RET: variants seen among roughly 807,000 people sequenced by gnomAD.
RET encodes the protein proto-oncogene tyrosine-protein kinase receptor Ret.
RET carries 19 observed loss-of-function variants against 118.3 expected under a neutral mutation model. That is an observed-to-expected ratio of 0.16 (90% CI 0.11 to 0.24). The LOEUF (loss-of-function observed/expected upper bound fraction) is 0.24, where lower values mean the gene tolerates loss of function less well. Ranked by LOEUF, RET falls within the 10% of genes least tolerant of loss-of-function variation. RET has a pLI of 1.00. For synonymous variants in RET, 597 were observed against 644.1 expected, an observed-to-expected ratio of 0.93 and a Z score of 1.11; for missense variants, 1,219 against 1,502.1, an observed-to-expected ratio of 0.81 and a Z score of 3.12.
chr10:43,119,592 G>C lies in RET; in HGVS notation c.2454G>C (p.Glu818Asp). Reference sequence around the variant, plus strand: ...GCTCCCTGCGGGGCTTCCTCCGCGAGAGCCGCAAAGTGGGGCCTGGCTACC... The same window carrying C: ...GCTCCCTGCGGGGCTTCCTCCGCGACAGCCGCAAAGTGGGGCCTGGCTACC... ...KYGSLRGFLR[E>D]SRKVGPGYLG... The change falls in exon 14 of 20, where the codon GAG (glutamate) becomes GAC (aspartate). Residue 818 changes from glutamate (E) to aspartate (D), a missense_variant. Coordinates refer to ENST00000355710, the MANE Select transcript of RET (RefSeq NM_020975.6). 1 of 1,612,206 alleles carries C rather than the reference G, an allele frequency of 6.2e-7. No homozygotes were observed. The highest frequency in any genetic ancestry group is 1.1e-5 in the South Asian group (1 of 91,066).
Position 43,106,297 on chromosome 10 carries a change from G to C in RET, c.868-79G>C. On this transcript the variant is annotated intron_variant, in intron 4 of 19. Coordinates refer to ENST00000355710, the MANE Select transcript of RET (RefSeq NM_020975.6). This position sits in a 1 kb window ranked among gnomAD's most constrained non-coding sequence, Gnocchi z 5.1. ...ACCTATGGGCTGTGTGGGACGTGCAGCATTCTAAGGTCTCTGGTTTTGGGG... is the reference window on the plus strand; with the variant it reads ...ACCTATGGGCTGTGTGGGACGTGCACCATTCTAAGGTCTCTGGTTTTGGGG... 1 of 1,369,564 alleles carries C rather than the reference G, an allele frequency of 7.3e-7. No individual in the cohort carries two copies. The highest frequency in any genetic ancestry group is 1.7e-5 in the Admixed American group (1 of 57,542). 84.8% of individuals were successfully genotyped at this position (1,369,564 alleles called of 1,614,324 possible).
At chr10:43,109,849 G>T (rs1331420135) in intron 6 of RET, among the ~76,000 whole-genome samples, 1 of 152,344 alleles carries the variant, frequency 6.6e-6, no homozygotes, top group Admixed American at 6.5e-5. Flanking sequence ...ACCCATAGGC[G>T]CCAGTGTTGC....
chr10:43,126,342 G>C (rs942752418), intron 18 of RET, among the ~76,000 whole-genome samples: 1 of 152,230 alleles, frequency 6.6e-6, no homozygotes, highest in African/African-American at 2.4e-5. Context: ...TCCAGGGGAA[G>C]AGACAGAATA....
intron 1 of RET, among the ~76,000 whole-genome samples, chr10:43,094,900 G>C (rs571853563): frequency 2.0e-5 from 3 of 152,340 alleles, no homozygotes; most frequent in East Asian, 3.9e-4. Flanking sequence ...GAATGAGTGT[G>C]TGTGAGAGAA....
At position 43,129,219 on chromosome 10, in the gene RET, G is replaced by A. The variant is rs949320569; in HGVS notation, c.*950G>A. 1.3e-5 allele frequency: 3 copies of A among 233,540 alleles called. No individual in the cohort carries two copies. The highest frequency in any genetic ancestry group is 1.7e-5 in the Non-Finnish European group (2 of 118,042). 14.5% of individuals were successfully genotyped at this position (233,540 alleles called of 1,614,324 possible). A position where few individuals can be genotyped will look rare whatever the true frequency, so the allele number is the denominator to read the frequency against. ...AGCAGTGGCTCATCCTACCTGTTAG[G>A]AGCAGGTAGGGCTTGTACTCACTTT... On this transcript the variant is annotated 3_prime_UTR_variant, in exon 20 of 20. Coordinates refer to ENST00000355710, the MANE Select transcript of RET (RefSeq NM_020975.6).
intron 1 of RET, among the ~76,000 whole-genome samples, chr10:43,078,884 C>T (rs750067047): frequency 2.0e-5 from 3 of 152,204 alleles, no homozygotes; most frequent in Non-Finnish European, 4.4e-5. Context: ...TGGGATAACC[C>T]GGACACCACA....
chr10:43,102,227 T>G, intron 2 of RET, 115 bp from the exon 3 acceptor site: 1 of 1,340,342 alleles, frequency 7.5e-7, no homozygotes, highest in African/African-American at 1.4e-5. Context: ...CTGAGCCTTG[T>G]GGACCTTGGT....
At chr10:43,122,058 A>G (rs759691041) in intron 16 of RET, 42 bp downstream of exon 16, 3 of 1,480,524 alleles carry the variant, frequency 2.0e-6, no homozygotes, top group Non-Finnish European at 2.8e-6. Flanking sequence ...GGTTACAGAA[A>G]CACCCTTATA....
intron 3 of RET, among the ~76,000 whole-genome samples, chr10:43,104,579 T>G (rs917299156): frequency 6.6e-6 from 1 of 152,186 alleles, no homozygotes; most frequent in African/African-American, 2.4e-5. Context: ...CAGCTTGGGC[T>G]GAGGCAAAGC....
At chr10:43,111,144 A>G in intron 6 of RET, 63 bp from the exon 7 acceptor site, 1 of 1,604,798 alleles carries the variant, frequency 6.2e-7, no homozygotes, top group South Asian at 1.1e-5. Flanking sequence ...GGGAATCTCT[A>G]CCCTCAGGCC....
Position 43,106,638 on chromosome 10 carries a change from AAGC to A in RET, c.1063+72_1063+74del. 2.0e-6 allele frequency: 3 copies of A among 1,507,222 alleles called. No homozygotes were observed. The South Asian group carries it at 3.5e-5, about 18-fold the overall frequency. The allele number at this position is 1,507,222 out of a possible 1,614,324, so 93.4% of individuals were successfully genotyped here. A position where few individuals can be genotyped will look rare whatever the true frequency, so the allele number is the denominator to read the frequency against. ...AATGAGGTGCTCGCTCTTCATGGGC[AAGC>A]AGCACCCTACACACATGCACACCTG... On this transcript the variant is annotated intron_variant, in intron 5 of 19. Transcript: ENST00000355710. This position sits in a 1 kb window ranked among gnomAD's most constrained non-coding sequence, Gnocchi z 5.1.
In RET at chr10:43,092,529, A is replaced by C. The variant is rs572251641; in HGVS notation, c.74-7930A>C. Reference sequence around the variant, plus strand: ...AGAATCTCTCTTTATATACACCTCCAAATTTGTTATTTACAGTAGAGCCTC... The same window carrying C: ...AGAATCTCTCTTTATATACACCTCCCAATTTGTTATTTACAGTAGAGCCTC... On this transcript the variant is annotated intron_variant, in intron 1 of 19. Coordinates refer to ENST00000355710, the MANE Select transcript of RET (RefSeq NM_020975.6). 1.2e-4 allele frequency among the ~76,000 whole-genome samples: 19 copies of C among 152,338 alleles called. No homozygotes were observed. In the South Asian group the frequency reaches 3.7e-3, roughly 30 times the overall value.
In RET at chr10:43,100,524, G is replaced by A. The variant is rs529018971; in HGVS notation, c.139G>A (p.Gly47Ser). The change falls in exon 2 of 20, where the codon GGC becomes AGC. Residue 47 changes from glycine (G) to serine (S), a missense_variant. This residue lies in a region of RET where 84 missense variants were observed against 163.6 expected (regional missense o/e 0.51). Transcript: ENST00000355710. ...GAAGCTGTATGTGGACCAGGCAGCCGGCACGCCCTTGCTGTACGTCCATGC... is the reference window on the plus strand; with the variant it reads ...GAAGCTGTATGTGGACCAGGCAGCCAGCACGCCCTTGCTGTACGTCCATGC... The part of the protein sequence containing the change: ...WEKLYVDQAA[G>S]TPLLYVHALR... 10 of 1,613,834 alleles carry A rather than the reference G, an allele frequency of 6.2e-6. No homozygotes were observed. The highest frequency in any genetic ancestry group is 2.7e-5 in the African/African-American group (2 of 75,032).
At chr10:43,085,166 G>A (rs933563737) in intron 1 of RET, among the ~76,000 whole-genome samples, 1 of 152,164 alleles carries the variant, frequency 6.6e-6, no homozygotes. Context: ...TCTGCTTGGT[G>A]GGGGTGGAAC....
intron 11 of RET, among the ~76,000 whole-genome samples, chr10:43,116,148 G>T (rs538461928): frequency 1.3e-5 from 2 of 152,270 alleles, no homozygotes; most frequent in African/African-American, 4.8e-5. Context: ...GTGAGGGCCA[G>T]TGGCAGCCCT....
chr10:43,113,455 A>T, intron 9 of RET, 101 bp from the exon 10 acceptor site: 1 of 1,373,864 alleles, frequency 7.3e-7, no homozygotes, highest in Non-Finnish European at 9.7e-7. Context: ...TGCTTGCGAC[A>T]CCAGTTGGGG....
chr10:43,092,224 G>A (rs1673215717), intron 1 of RET, among the ~76,000 whole-genome samples: 2 of 152,216 alleles, frequency 1.3e-5, no homozygotes, highest in Admixed American at 1.3e-4. Context: ...GTCACAGAAG[G>A]ACAAGCACTG....
In RET at chr10:43,114,601, A is replaced by T. The variant is rs563316790; in HGVS notation, c.2001A>T (p.Pro667=). The change falls in exon 11 of 20, where the codon CCA becomes CCT. Residue 667 remains proline (P), a synonymous_variant. Transcript: ENST00000355710. This position sits in a 1 kb window ranked among gnomAD's most constrained non-coding sequence, Gnocchi z 4.6. ...GCTACCACAAGTTTGCCCACAAGCC[A>T]CCCATCTCCTCAGCTGAGATGACCT... ...IHCYHKFAHK[P]PISSAEMTFR... 28 of 1,612,184 alleles carry T rather than the reference A, an allele frequency of 1.7e-5. No homozygotes were observed. The East Asian group carries it at 5.1e-4, about 30-fold the overall frequency.
chr10:43,103,490 C>G (rs1837688252), intron 3 of RET, among the ~76,000 whole-genome samples: 1 of 152,120 alleles, frequency 6.6e-6, no homozygotes, highest in African/African-American at 2.4e-5. Flanking sequence ...GAGAAGGCAG[C>G]TGACTAGGTG....
Sources: allele counts gnomAD v4.1 joint callset (sites outside exome capture counted in the v4.1 genomes callset), GRCh38; gene constraint gnomAD v4.1.1; regional missense constraint gnomAD v4.1.1; non-coding constraint Gnocchi (gnomAD v3.1); transcripts MANE v1.5; gene names NCBI Gene and HGNC (gene_info 2026-07-23, HGNC 2026-07-21).